The following GPR137B variants were observed in gnomAD, a reference collection of about 807,000 sequenced individuals.
The protein encoded by GPR137B is integral membrane protein GPR137B.
Under a neutral mutation model 42.5 loss-of-function variants are expected in GPR137B, and 42 were observed. The ratio of observed to expected loss-of-function variants is 0.99; its 90% CI spans 0.77 to 1.28. The LOEUF is 1.28. GPR137B is among the 50% of genes most tolerant of loss of function. GPR137B has a pLI of 0.00. For synonymous variants in GPR137B, 218 were observed against 209.7 expected (o/e 1.04, Z -0.34); for missense variants, 487 against 493.9 (o/e 0.99, Z 0.13).
At chr1:236,193,691 A>G (rs925511507) in intron 5 of GPR137B, among the ~76,000 whole-genome samples, 4 of 152,158 alleles carry the variant, frequency 2.6e-5, no homozygotes, top group Non-Finnish European at 4.4e-5. Flanking sequence ...GTCTGTTCAC[A>G]TCCTTTGTCC....
chr1:236,149,002 C>T (rs1358999212), intron 1 of GPR137B, among the ~76,000 whole-genome samples: 1 of 152,080 alleles, frequency 6.6e-6, no homozygotes, highest in Non-Finnish European at 1.5e-5. Flanking sequence ...AAAGGAGATG[C>T]CGTGTGTCCT....
intron 5 of GPR137B, among the ~76,000 whole-genome samples, chr1:236,197,217 C>G (rs1246197855): frequency 6.6e-6 from 1 of 151,878 alleles, no homozygotes; most frequent in African/African-American, 2.4e-5. Context: ...CCTTAGCCCA[C>G]TTTTGGATGG....
chr1:236,163,083 A>G (rs1662245378), intron 1 of GPR137B, among the ~76,000 whole-genome samples: 1 of 152,230 alleles, frequency 6.6e-6, no homozygotes, highest in South Asian at 2.1e-4. Context: ...GGAGCTGCCC[A>G]AGACCATGGG....
intron 6 of GPR137B, among the ~76,000 whole-genome samples, chr1:236,206,419 G>A (rs759978922): frequency 6.0e-4 from 92 of 152,086 alleles, no homozygotes; most frequent in African/African-American, 1.1e-3. Flanking sequence ...TCTCACCTAC[G>A]CTTATGTTAT....
rs990635274 is a variant in GPR137B, at chr1:236,178,785, G to T, written c.687+149G>T. 3.4e-4 allele frequency: 17 copies of T among 49,504 alleles called. 1 individual carries two copies. The highest frequency in any genetic ancestry group is 2.1e-3 in the South Asian group (7 of 3,382). 3.1% of individuals were successfully genotyped at this position (49,504 alleles called of 1,614,324 possible). On this transcript the variant is annotated intron_variant, in intron 3 of 6. Coordinates refer to ENST00000366592, the MANE Select transcript of GPR137B (RefSeq NM_003272.4). ...GTCTCCCACACAGGGGCTACTCGAG[G>T]TTTTTTTTTTTTTTTTTTTTTTTTT...
In GPR137B at chr1:236,142,939, C is replaced by T. The variant is rs1317428865; in HGVS notation, c.317C>T (p.Ala106Val). 6.2e-7 allele frequency: 1 copy of T among 1,614,144 alleles called. No homozygotes were observed. The highest frequency in any genetic ancestry group is 1.1e-5 in the South Asian group (1 of 91,084). ...TTCTACTTCAAAGACTTCGTGGCGG[C>T]CAATTCGCTCAGCCCCTTCGTCTTC... Reference protein sequence around the residue: ...FSFYFKDFVAANSLSPFVFWL... With the variant: ...FSFYFKDFVAVNSLSPFVFWL... The change falls in exon 1 of 7, where the codon GCC becomes GTC. Residue 106 changes from alanine (A) to valine (V), a missense_variant. By Grantham distance (64) the Ala-to-Val change is moderately conservative. Transcript: ENST00000366592.
intron 1 of GPR137B, among the ~76,000 whole-genome samples, chr1:236,147,887 C>T (rs527505966): frequency 2.6e-5 from 4 of 152,280 alleles, no homozygotes; most frequent in South Asian, 4.1e-4. Flanking sequence ...CATGGGGAGG[C>T]GGCTGTGGTA....
At chr1:236,174,924 G>A (rs990252799) in intron 2 of GPR137B, among the ~76,000 whole-genome samples, 3 of 152,180 alleles carry the variant, frequency 2.0e-5, no homozygotes, top group Non-Finnish European at 2.9e-5. Flanking sequence ...CAGGCTGTTA[G>A]GGAAATGAGT....
chr1:236,160,189 G>A (rs1405764421), intron 1 of GPR137B, among the ~76,000 whole-genome samples: 1 of 152,150 alleles, frequency 6.6e-6, no homozygotes, highest in African/African-American at 2.4e-5. Context: ...TCTCCTTCAG[G>A]CCTGATTCTG....
At chr1:236,196,702 T>C (rs1204971911) in intron 5 of GPR137B, among the ~76,000 whole-genome samples, 1 of 152,214 alleles carries the variant, frequency 6.6e-6, no homozygotes, top group Non-Finnish European at 1.5e-5. Context: ...AGTGAGAAGA[T>C]ATAATGTTTG....
chr1:236,143,037 G>A lies in GPR137B; in HGVS notation c.414+1G>A. On this transcript the variant is annotated splice_donor_variant, in intron 1 of 6. Transcript: ENST00000366592. LOFTEE classifies it high-confidence loss of function. ...GCTGATGAACTTGTACTTCACGCAG[G>A]TGAGTTTCAGAGAGGCTCCTGGAGG... 6.2e-7 allele frequency: 1 copy of A among 1,607,536 alleles called. No homozygotes were observed. Among genetic ancestry groups the A allele is most frequent in the Non-Finnish European group, 8.5e-7 (1 of 1,177,072 alleles).
intron 5 of GPR137B, among the ~76,000 whole-genome samples, chr1:236,192,744 TCGATCTC>T (rs1663229380): frequency 6.6e-6 from 1 of 152,088 alleles, no homozygotes; most frequent in African/African-American, 2.4e-5. Context: ...ACCTTCTGTG[TCGATCTC>T]GCTGGGAGCT....
At position 236,142,626 on chromosome 1, in the gene GPR137B, A is replaced by T. The variant is rs1368958716; in HGVS notation, c.4A>T (p.Arg2Trp). The T allele has an allele frequency of 7.0e-7, 1 of 1,419,856 alleles. No homozygotes were observed. Among genetic ancestry groups the T allele is most frequent in the Non-Finnish European group, 9.1e-7 (1 of 1,096,172 alleles). The allele number at this position is 1,419,856 out of a possible 1,614,324, so 88.0% of individuals were successfully genotyped here. The change falls in exon 1 of 7, where the codon AGG becomes TGG. Residue 2 changes from arginine to tryptophan, a missense_variant. By Grantham distance (101) the Arg-to-Trp change is moderately radical. Transcript: ENST00000366592. M[R>W]PERPRPRGSA... is the part of the protein sequence containing the mutation. ...GCGGCGGCGGCCGTGAGCCCCGATG[A>T]GGCCCGAGCGTCCCCGGCCGCGCGG...
intron 5 of GPR137B, among the ~76,000 whole-genome samples, chr1:236,187,928 C>T (rs1440994777): frequency 1.3e-5 from 2 of 152,098 alleles, no homozygotes; most frequent in African/African-American, 2.4e-5. Flanking sequence ...GGCAGTATGG[C>T]CATTTTCACA....
intron 2 of GPR137B, among the ~76,000 whole-genome samples, chr1:236,173,647 A>G (rs1381288376): frequency 6.6e-6 from 1 of 152,104 alleles, no homozygotes; most frequent in Non-Finnish European, 1.5e-5. Flanking sequence ...GCTGGGTCAC[A>G]CTGATTGTTT....
rs767664365 is a variant in GPR137B at position 236,150,170 on chromosome 1, C to G, written c.414+7134C>G. On this transcript the variant is annotated intron_variant, in intron 1 of 6. Transcript: ENST00000366592. This position sits in a 1 kb window ranked among gnomAD's most constrained non-coding sequence, Gnocchi z 6.2. ...CTGTTTGTGTCTGTGCATGTGTGTG[C>G]CCGTTTGTGTTTGTGTGTGTCTGTG... Among the ~76,000 whole-genome samples, 28 of 137,624 alleles carry G rather than the reference C, an allele frequency of 2.0e-4. No homozygotes were observed. The highest frequency in any genetic ancestry group is 4.3e-3 in the Middle Eastern group (1 of 234). 90.3% of individuals were successfully genotyped at this position (137,624 alleles called of 152,430 possible).
At chr1:236,197,372 CA>C (rs1283966930) in intron 5 of GPR137B, among the ~76,000 whole-genome samples, 3 of 152,164 alleles carry the variant, frequency 2.0e-5, no homozygotes, top group Admixed American at 6.5e-5. Flanking sequence ...CTTTGCTGTA[CA>C]GAAGACTTTT....
intron 1 of GPR137B, among the ~76,000 whole-genome samples, chr1:236,166,973 C>T (rs759271852): frequency 7.9e-5 from 12 of 151,962 alleles, no homozygotes; most frequent in South Asian, 2.1e-4. Context: ...GAGGACCAGG[C>T]GGGTATGCAC....
rs540936965 is a variant in GPR137B, at chr1:236,151,492, C to T, written c.414+8456C>T. On this transcript the variant is annotated intron_variant, in intron 1 of 6. Coordinates refer to ENST00000366592, the MANE Select transcript of GPR137B (RefSeq NM_003272.4). ...AAGCTGGAGTGCAGTGGCGCAATCT[C>T]GGCTCACTGCAACATCTGCCTCCCA... is the stretch of plus-strand genomic sequence containing the variant. Among the ~76,000 whole-genome samples the T allele has an allele frequency of 6.2e-5, 9 of 144,798 alleles. No individual in the cohort carries two copies. In the South Asian group the frequency reaches 6.6e-4, roughly 11 times the overall value. 95.0% of individuals were successfully genotyped at this position (144,798 alleles called of 152,430 possible). A position where few individuals can be genotyped will look rare whatever the true frequency, so the allele number is the denominator to read the frequency against.
Sources: allele counts gnomAD v4.1 joint callset (sites outside exome capture counted in the v4.1 genomes callset), GRCh38; gene constraint gnomAD v4.1.1; non-coding constraint Gnocchi (gnomAD v3.1); transcripts MANE v1.5; gene names NCBI Gene and HGNC (gene_info 2026-07-23, HGNC 2026-07-21).